RABGAP1L: variants seen among roughly 807,000 people sequenced by gnomAD.
RABGAP1L encodes RAB GTPase activating protein 1 like.
RABGAP1L carries 63 observed loss-of-function variants against 137.7 expected under a neutral mutation model. The ratio of observed to expected loss-of-function variants is 0.46; its 90% CI spans 0.37 to 0.56. RABGAP1L has a LOEUF of 0.56. Among genes scored for constraint, RABGAP1L ranks in the 20% least tolerant of loss-of-function variants. The probability of loss-of-function intolerance (pLI) is 0.00; values close to 1 mark genes in which losing one functional copy is unlikely to be tolerated. For synonymous variants in RABGAP1L, 431 were observed against 433.7 expected (o/e 0.99, Z 0.08); for missense variants, 1,095 against 1,244.0 (o/e 0.88, Z 1.80).
At chr1:174,648,703 A>C (rs1675195766) in intron 14 of RABGAP1L, among the ~76,000 whole-genome samples, 1 of 152,116 alleles carries the variant, frequency 6.6e-6, no homozygotes, top group African/African-American at 2.4e-5. Flanking sequence ...AATTCTGTAG[A>C]TATCTATTAG....
At chr1:174,697,003 A>G (rs1016737974) in intron 15 of RABGAP1L, among the ~76,000 whole-genome samples, 3 of 152,126 alleles carry the variant, frequency 2.0e-5, no homozygotes, top group Non-Finnish European at 4.4e-5. Context: ...CCAACACCCA[A>G]CATTCCCTAG....
intron 20 of RABGAP1L, among the ~76,000 whole-genome samples, chr1:174,960,760 A>G (rs1669020963): frequency 6.6e-6 from 1 of 152,206 alleles, no homozygotes. Flanking sequence ...TCCTGTTGAA[A>G]TTAGAGCTAA....
At chr1:174,328,769 C>G (rs1213991954) in intron 11 of RABGAP1L, among the ~76,000 whole-genome samples, 1 of 151,956 alleles carries the variant, frequency 6.6e-6, no homozygotes, top group Admixed American at 6.6e-5. Flanking sequence ...GACTCCATCT[C>G]TAAATAAATA....
At chr1:174,172,358 G>A (rs1271780454) in intron 1 of RABGAP1L, among the ~76,000 whole-genome samples, 1 of 152,086 alleles carries the variant, frequency 6.6e-6, no homozygotes, top group Non-Finnish European at 1.5e-5. Context: ...GTTTCTTTGG[G>A]TGTATACCCA....
At chr1:174,880,752 C>T (rs191997999) in intron 19 of RABGAP1L, among the ~76,000 whole-genome samples, 3 of 152,020 alleles carry the variant, frequency 2.0e-5, no homozygotes, top group African/African-American at 7.2e-5. Context: ...TCACTGCCCC[C>T]GGCTAATTTT....
chr1:174,675,323 C>T (rs1677530605), intron 14 of RABGAP1L, among the ~76,000 whole-genome samples: 1 of 151,376 alleles, frequency 6.6e-6, no homozygotes, highest in African/African-American at 2.4e-5. Flanking sequence ...CCAGTTTTCC[C>T]AGCACCATTT....
chr1:174,789,020 A>G (rs1687660806), intron 18 of RABGAP1L, among the ~76,000 whole-genome samples: 1 of 151,982 alleles, frequency 6.6e-6, no homozygotes, highest in African/African-American at 2.4e-5. Flanking sequence ...AGCCTGTTTT[A>G]TGCTTTTAAG....
rs569058641 is a variant in RABGAP1L at position 174,167,453 on chromosome 1, C to T, written c.-34+7796C>T. On this transcript the variant is annotated intron_variant, in intron 1 of 25. Coordinates refer to ENST00000681986, the MANE Select transcript of RABGAP1L (RefSeq NM_001366446.1). ...GTTCTTGGAATTTGTGGTGAAAATA[C>T]ACCCACCTGGCAAATGGTTGAAAAC... Among the ~76,000 whole-genome samples the T allele has an allele frequency of 1.2e-4, 18 of 152,266 alleles. No homozygotes were observed. The South Asian group carries it at 3.7e-3, about 32-fold the overall frequency.
intron 11 of RABGAP1L, among the ~76,000 whole-genome samples, chr1:174,327,854 A>G (rs758748980): frequency 1.9e-4 from 29 of 151,006 alleles, no homozygotes; most frequent in African/African-American, 6.3e-4. Context: ...CTATATTTCT[A>G]TCTGATAAAT....
chr1:174,242,926 T>C (rs1337394237), intron 5 of RABGAP1L: 1 of 152,166 alleles, frequency 6.6e-6, no homozygotes, highest in Admixed American at 6.5e-5. Context: ...TGAAGGAATA[T>C]GTATGTTTCT....
chr1:174,649,881 G>A (rs1221697508), intron 14 of RABGAP1L, among the ~76,000 whole-genome samples: 3 of 152,108 alleles, frequency 2.0e-5, no homozygotes. Flanking sequence ...TTGAATAGGA[G>A]TGGTGAGAGA....
chr1:174,418,868 G>C (rs1208706492), intron 13 of RABGAP1L, among the ~76,000 whole-genome samples: 1 of 151,940 alleles, frequency 6.6e-6, no homozygotes, highest in Non-Finnish European at 1.5e-5. Flanking sequence ...ATGAAACCCT[G>C]TCTCTACGAA....
intron 17 of RABGAP1L, among the ~76,000 whole-genome samples, chr1:174,734,190 A>G (rs964753278): frequency 2.0e-5 from 3 of 152,130 alleles, no homozygotes; most frequent in African/African-American, 7.2e-5. Context: ...ATAGTTGAAT[A>G]TATGATTCTG....
intron 13 of RABGAP1L, among the ~76,000 whole-genome samples, chr1:174,417,708 T>C (rs1405586451): frequency 6.6e-6 from 1 of 152,222 alleles, no homozygotes; most frequent in Non-Finnish European, 1.5e-5. Context: ...TTGTTGTGTG[T>C]GTATTTAACA....
intron 13 of RABGAP1L, among the ~76,000 whole-genome samples, chr1:174,464,793 T>A (rs1415742979): frequency 1.3e-5 from 2 of 152,090 alleles, no homozygotes; most frequent in African/African-American, 4.8e-5. Flanking sequence ...ATAGAAAGAT[T>A]ACCTTCTTTT....
chr1:174,798,617 TAATC>T (rs1688458771), intron 18 of RABGAP1L, among the ~76,000 whole-genome samples: 2 of 89,162 alleles, frequency 2.2e-5, no homozygotes, highest in East Asian at 1.5e-3. Context: ...TTTTCATAAT[TAATC>T]TATTTATTTA....
At chr1:174,804,611 C>A (rs1024210338) in intron 18 of RABGAP1L, among the ~76,000 whole-genome samples, 5 of 152,156 alleles carry the variant, frequency 3.3e-5, no homozygotes, top group African/African-American at 1.2e-4. Flanking sequence ...CCGTGCCCGG[C>A]CTCCCTCGGG....
In RABGAP1L at chr1:174,639,107, C is replaced by T. The variant is rs116052351; in HGVS notation, c.1824+1619C>T. 4.3e-3 allele frequency among the ~76,000 whole-genome samples: 656 copies of T among 151,396 alleles called. 7 individuals carry two copies. The highest frequency in any genetic ancestry group is 0.015 in the African/African-American group (636 of 41,362). The stretch of plus-strand genomic sequence containing the variant: ...TTAATGTTTAATTCTGCAAATGGCA[C>T]GACTTTCATTAAAGTCCTTGCATGT... On this transcript the variant is annotated intron_variant, in intron 14 of 25. Transcript: ENST00000681986.
At chr1:174,468,727 C>T (rs2149301613) in intron 13 of RABGAP1L, among the ~76,000 whole-genome samples, 1 of 152,234 alleles carries the variant, frequency 6.6e-6, no homozygotes, top group East Asian at 1.9e-4. Context: ...CTCTCTCTCT[C>T]TCTCTGTAAA....
Sources: gnomAD v4.1 joint callset for allele counts (sites outside exome capture counted in the v4.1 genomes callset) on GRCh38, gnomAD v4.1.1 for gene constraint, MANE v1.5 for transcripts, NCBI Gene and HGNC (gene_info 2026-07-23, HGNC 2026-07-21) for gene names.